USP49: variants seen among roughly 807,000 people sequenced by gnomAD.
USP49 encodes ubiquitin specific peptidase 49.
A neutral mutation model predicts 58.6 loss-of-function variants in USP49; 24 were observed. The observed-to-expected ratio is 0.41, with a 90% CI of 0.30 to 0.58. The LOEUF (loss-of-function observed/expected upper bound fraction) is 0.58. USP49 is among the 20% of genes least tolerant of loss of function. USP49 has a pLI of 0.30. For missense variants in USP49, 703 were observed against 866.1 expected (o/e 0.81, Z 2.36); for synonymous variants, 408 against 365.1 (o/e 1.12, Z -1.34).
At chr6:41,840,145 T>C (rs1773798129) in intron 3 of USP49, among the ~76,000 whole-genome samples, 1 of 150,058 alleles carries the variant, frequency 6.7e-6, no homozygotes, top group Non-Finnish European at 1.5e-5. Context: ...GAGGCCGAGG[T>C]GGGCGGATCG....
chr6:41,840,721 T>C (rs1160486627), intron 3 of USP49, among the ~76,000 whole-genome samples: 1 of 152,222 alleles, frequency 6.6e-6, no homozygotes, highest in African/African-American at 2.4e-5. Context: ...GGATTTATAA[T>C]ATAATTTGTC....
intron 3 of USP49, among the ~76,000 whole-genome samples, chr6:41,847,770 T>A (rs973027895): frequency 6.0e-5 from 9 of 150,376 alleles, no homozygotes; most frequent in African/African-American, 2.2e-4. Flanking sequence ...AAAGAGCACA[T>A]AAAGAACTTA....
chr6:41,834,411 C>T (rs1387727108), intron 3 of USP49, among the ~76,000 whole-genome samples: 5 of 151,938 alleles, frequency 3.3e-5, no homozygotes, highest in Non-Finnish European at 7.4e-5. Flanking sequence ...CACTATTATC[C>T]CGATTTTATA....
At chr6:41,885,425 T>C (rs1370800691) in intron 2 of USP49, among the ~76,000 whole-genome samples, 2 of 152,174 alleles carry the variant, frequency 1.3e-5, no homozygotes, top group African/African-American at 4.8e-5. Flanking sequence ...AGGAAAATAA[T>C]AGCAACCTGT....
chr6:41,831,224 T>C lies in USP49; in HGVS notation c.-28-24213A>G, dbSNP rs1368518656. Among the ~76,000 whole-genome samples the C allele has an allele frequency of 9.9e-5, 15 of 152,054 alleles. 1 individual carries two copies. Among genetic ancestry groups the C allele is most frequent in the Non-Finnish European group, 8.8e-5 (6 of 68,014 alleles). On this transcript the variant is annotated intron_variant, in intron 3 of 7. Transcript: ENST00000682992. ...AACCAACATGGTGAAACCCCGTCTC[T>C]ACTAAAAATACAAAAATTAGCCGGG...
Position 41,806,303 on chromosome 6 carries a change from G to A in USP49, c.681C>T (p.Ala227=), listed in dbSNP as rs765626631. The change falls in exon 4 of 8, where the codon GCC becomes GCT. Residue 227 remains alanine (A), a synonymous_variant. Transcript: ENST00000682992. This position sits in a 1 kb window ranked among gnomAD's most constrained non-coding sequence, Gnocchi z 5.9. ...RDAGPAASRP[A]ALPTSRRVPA... ...GCACTCTGCGTGAGGTAGGGAGGGCGGCGGGGCGCGAGGCAGCCGGGCCCG... is the reference window on the plus strand; with the variant it reads ...GCACTCTGCGTGAGGTAGGGAGGGCAGCGGGGCGCGAGGCAGCCGGGCCCG... 75 of 1,585,530 alleles carry A rather than the reference G, an allele frequency of 4.7e-5. No homozygotes were observed. The highest frequency in any genetic ancestry group is 3.3e-4 in the Middle Eastern group (2 of 6,012).
intron 3 of USP49, among the ~76,000 whole-genome samples, chr6:41,808,694 G>A (rs1228504585): frequency 6.6e-6 from 1 of 152,138 alleles, no homozygotes; most frequent in African/African-American, 2.4e-5. Context: ...ATAGGTGTGA[G>A]CCAACACGCC....
intron 3 of USP49, among the ~76,000 whole-genome samples, chr6:41,856,374 C>CAAA (rs534562516): frequency 8.5e-6 from 1 of 118,220 alleles, no homozygotes; most frequent in Non-Finnish European, 1.9e-5. Flanking sequence ...GACCCCGTCT[C>CAAA]AAAAAAAAAA....
chr6:41,865,642 G>A (rs1360105816), intron 3 of USP49, among the ~76,000 whole-genome samples: 2 of 151,216 alleles, frequency 1.3e-5, no homozygotes, highest in Non-Finnish European at 3.0e-5. Flanking sequence ...TGCTCGGCTT[G>A]TTTTTTTGTT....
At chr6:41,799,719 G>T in intron 6 of USP49, 111 bp downstream of exon 6, 1 of 922,876 alleles carries the variant, frequency 1.1e-6, no homozygotes, top group Non-Finnish European at 1.7e-6. Context: ...GAGGTCTCAA[G>T]TGAACAGGCT....
intron 3 of USP49, among the ~76,000 whole-genome samples, chr6:41,844,421 G>T (rs952651771): frequency 6.6e-6 from 1 of 151,570 alleles, no homozygotes; most frequent in African/African-American, 2.4e-5. Flanking sequence ...AGGTTCAAGC[G>T]ATTCTCTTCA....
At chr6:41,887,678 G>GC (rs1425051676) in intron 2 of USP49, among the ~76,000 whole-genome samples, 1 of 152,138 alleles carries the variant, frequency 6.6e-6, no homozygotes, top group Non-Finnish European at 1.5e-5. Flanking sequence ...ACCAACATCT[G>GC]CCCCCAATCA....
intron 3 of USP49, among the ~76,000 whole-genome samples, chr6:41,863,018 C>A (rs1369801950): frequency 3.3e-5 from 5 of 152,134 alleles, no homozygotes; most frequent in Non-Finnish European, 7.3e-5. Flanking sequence ...CTCAAGCAAT[C>A]CGCCCATCTC....
At chr6:41,853,132 G>A (rs530398914) in intron 3 of USP49, among the ~76,000 whole-genome samples, 1 of 152,194 alleles carries the variant, frequency 6.6e-6, no homozygotes, top group Admixed American at 6.5e-5. Flanking sequence ...GTTGCAATGA[G>A]CCGAGATGGC....
rs1350570247 is a variant in USP49 at position 41,793,754 on chromosome 6, A to G, written c.*2779T>C. On this transcript the variant is annotated 3_prime_UTR_variant, in exon 8 of 8. Transcript: ENST00000682992. ...CAACCACAGATATGAGGGTCAGGCT[A>G]GATTGAGGTAAAAAAAAATCCTTTT... 6.6e-6 allele frequency: 1 copy of G among 152,184 alleles called. No individual in the cohort carries two copies. The highest frequency in any genetic ancestry group is 2.4e-5 in the African/African-American group (1 of 41,448). 9.4% of individuals were successfully genotyped at this position (152,184 alleles called of 1,614,324 possible).
chr6:41,836,921 C>T (rs1211953663), intron 3 of USP49, among the ~76,000 whole-genome samples: 2 of 151,966 alleles, frequency 1.3e-5, no homozygotes, highest in African/African-American at 4.8e-5. Context: ...GGTGAAAGAT[C>T]TCTACAGCGA....
chr6:41,817,149 G>GTTTTTTTTTTTTTTTTTTTT, intron 3 of USP49, among the ~76,000 whole-genome samples: 1 of 69,660 alleles, frequency 1.4e-5, no homozygotes, highest in Non-Finnish European at 2.7e-5. Flanking sequence ...TCCCACGCAT[G>GTTTTTTTTTTTTTTTTTTTT]CTTTTTTTTT....
chr6:41,810,463 T>C (rs895432032), intron 3 of USP49, among the ~76,000 whole-genome samples: 2 of 150,808 alleles, frequency 1.3e-5, no homozygotes, highest in African/African-American at 4.8e-5. Flanking sequence ...CACTCCAGCC[T>C]GGGGGACAAG....
chr6:41,806,447 C>T lies in USP49; in HGVS notation c.537G>A (p.Glu179=), dbSNP rs756328300. 4 of 1,590,908 alleles carry T rather than the reference C, an allele frequency of 2.5e-6. No homozygotes were observed. The highest frequency in any genetic ancestry group is 3.4e-6 in the Non-Finnish European group (4 of 1,176,406). ...LEQRRQEEAL[E]RKKEEARRRR... ...GCCTCCGCGCCTCCTCCTTCTTGCGCTCCAGGGCCTCCTCCTGCCGCCGCT... is the reference window on the plus strand; with the variant it reads ...GCCTCCGCGCCTCCTCCTTCTTGCGTTCCAGGGCCTCCTCCTGCCGCCGCT... The change falls in exon 4 of 8, where the codon GAG becomes GAA. Residue 179 remains glutamate, a synonymous_variant. Coordinates refer to ENST00000682992, the MANE Select transcript of USP49 (RefSeq NM_001286554.2). The surrounding 1 kb of genome is among the most constrained non-coding windows in gnomAD (Gnocchi z 5.9).
Sources: gnomAD v4.1 joint callset for allele counts (sites outside exome capture counted in the v4.1 genomes callset) on GRCh38, gnomAD v4.1.1 for gene constraint, Gnocchi (gnomAD v3.1) non-coding constraint, MANE v1.5 for transcripts, NCBI Gene and HGNC (gene_info 2026-07-23, HGNC 2026-07-21) for gene names.